ADAMTSL1: variants seen among roughly 807,000 people sequenced by gnomAD.
The protein encoded by ADAMTSL1 is ADAMTS like 1.
A neutral mutation model predicts 201.8 loss-of-function variants in ADAMTSL1; 126 were observed. The ratio of observed to expected loss-of-function variants is 0.62; its 90% CI spans 0.54 to 0.72. ADAMTSL1 has a LOEUF of 0.72. ADAMTSL1 is among the 30% of genes least tolerant of loss of function. The pLI, the probability that ADAMTSL1 is intolerant of heterozygous loss-of-function variation, is 0.00. For missense variants in ADAMTSL1, 2,679 were observed against 2,277.8 expected (o/e 1.18, Z -3.59); for synonymous variants, 1,121 against 903.4 (o/e 1.24, Z -4.32).
In ADAMTSL1 at chr9:18,886,164, GTGTATATATATATATATATATA is replaced by G. The variant is rs1418449902; in HGVS notation, c.4250-1665_4250-1644del. On this transcript the variant is annotated intron_variant, in intron 23 of 28. Transcript: ENST00000380548. Reference sequence around the variant, plus strand: ...TGTATATATACATGTGAGTGTGTATGTGTATATATATATATATATATATATATATATATATATATATATATAT... The same window carrying G: ...TGTATATATACATGTGAGTGTGTATGTATATATATATATATATATATATAT... Among the ~76,000 whole-genome samples, 344 of 62,238 alleles carry G rather than the reference GTGTATATATATATATATATATA, an allele frequency of 5.5e-3. 10 individuals are homozygous for G. The highest frequency in any genetic ancestry group is 0.034 in the Middle Eastern group (3 of 88). 40.8% of individuals were successfully genotyped at this position (62,238 alleles called of 152,430 possible).
intron 2 of ADAMTSL1, among the ~76,000 whole-genome samples, chr9:18,527,480 C>T (rs1475367644): frequency 6.6e-6 from 1 of 152,060 alleles, no homozygotes; most frequent in Non-Finnish European, 1.5e-5. Flanking sequence ...CAAATGCATG[C>T]CCCTTTTTAA....
intron 2 of ADAMTSL1, among the ~76,000 whole-genome samples, chr9:18,185,227 G>C (rs1189045018): frequency 1.3e-5 from 2 of 152,088 alleles, no homozygotes; most frequent in Non-Finnish European, 2.9e-5. Flanking sequence ...TTATTCCTCT[G>C]ATGATGTTGT....
chr9:18,622,708 G>A, intron 5 of ADAMTSL1: 1 of 421,910 alleles, frequency 2.4e-6, no homozygotes. Flanking sequence ...TGCTATGCCT[G>A]GTGGAAGATA....
intron 2 of ADAMTSL1, among the ~76,000 whole-genome samples, chr9:18,217,383 T>G (rs2132342263): frequency 6.6e-6 from 1 of 152,228 alleles, no homozygotes; most frequent in Non-Finnish European, 1.5e-5. Context: ...CAGGCAAATG[T>G]TTCTTGAGGT....
At chr9:18,530,369 A>G (rs1398275141) in intron 2 of ADAMTSL1, among the ~76,000 whole-genome samples, 1 of 152,212 alleles carries the variant, frequency 6.6e-6, no homozygotes, top group Non-Finnish European at 1.5e-5. Flanking sequence ...TGAAAAACAT[A>G]TACTATTAAA....
Position 18,777,187 on chromosome 9 carries a change from C to A in ADAMTSL1, c.2958C>A (p.Gly986=). 6.2e-7 allele frequency: 1 copy of A among 1,612,856 alleles called. No homozygotes were observed. The highest frequency in any genetic ancestry group is 2.2e-5 in the East Asian group (1 of 44,866). ...AAGAGGTGCTTGCGGGGAGGAAGGGCGGCCCGAAGGAGGCCCTGCAGACCC... is the reference window on the plus strand; with the variant it reads ...AAGAGGTGCTTGCGGGGAGGAAGGGAGGCCCGAAGGAGGCCCTGCAGACCC... ...SEEEVLAGRK[G]GPKEALQTHK... The change falls in exon 19 of 29, where the codon GGC becomes GGA. Residue 986 remains glycine, a synonymous_variant. Coordinates refer to ENST00000380548, the MANE Select transcript of ADAMTSL1 (RefSeq NM_001040272.6).
chr9:18,452,607 T>G (rs1820452438), intron 2 of ADAMTSL1, among the ~76,000 whole-genome samples: 1 of 152,216 alleles, frequency 6.6e-6, no homozygotes, highest in Admixed American at 6.5e-5. Flanking sequence ...TAAACTGAAG[T>G]TATCTAACTC....
At chr9:18,047,712 A>G (rs1021809476) in intron 1 of ADAMTSL1, among the ~76,000 whole-genome samples, 1 of 152,206 alleles carries the variant, frequency 6.6e-6, no homozygotes, top group Non-Finnish European at 1.5e-5. Flanking sequence ...GCATGCTGGT[A>G]TATAAACAGA....
chr9:18,087,944 G>A (rs992703495), intron 1 of ADAMTSL1, among the ~76,000 whole-genome samples: 2 of 151,940 alleles, frequency 1.3e-5, no homozygotes, highest in South Asian at 2.1e-4. Context: ...GATATCTTTG[G>A]GCCCTCTAAC....
intron 2 of ADAMTSL1, among the ~76,000 whole-genome samples, chr9:18,290,482 C>T (rs1833207829): frequency 2.0e-5 from 3 of 152,062 alleles, no homozygotes; most frequent in South Asian, 4.2e-4. Flanking sequence ...CCTTCCTGGC[C>T]CCACAAAGCT....
intron 14 of ADAMTSL1, among the ~76,000 whole-genome samples, chr9:18,720,627 A>T (rs894931352): frequency 2.6e-5 from 4 of 152,118 alleles, no homozygotes; most frequent in Non-Finnish European, 5.9e-5. Flanking sequence ...TACTAAGAAT[A>T]CAAAAATTAG....
chr9:17,942,873 A>T (rs948560413), intron 1 of ADAMTSL1, among the ~76,000 whole-genome samples: 2 of 152,280 alleles, frequency 1.3e-5, no homozygotes, highest in Non-Finnish European at 2.9e-5. Flanking sequence ...CCATCAGTAC[A>T]TTCCATCTGA....
At chr9:18,214,881 C>T (rs985349851) in intron 2 of ADAMTSL1, among the ~76,000 whole-genome samples, 1 of 152,044 alleles carries the variant, frequency 6.6e-6, no homozygotes, top group East Asian at 1.9e-4. Flanking sequence ...TGTATGTGAC[C>T]CTGAATACAC....
intron 1 of ADAMTSL1, among the ~76,000 whole-genome samples, chr9:18,480,345 C>G (rs528662563): frequency 5.9e-5 from 9 of 151,692 alleles, no homozygotes; most frequent in African/African-American, 2.2e-4. Context: ...GATCCCTCAG[C>G]CTATGTGATC....
chr9:18,224,183 G>T (rs1462066641), intron 2 of ADAMTSL1, among the ~76,000 whole-genome samples: 1 of 152,056 alleles, frequency 6.6e-6, no homozygotes, highest in Non-Finnish European at 1.5e-5. Context: ...TACCACAAAT[G>T]GAGTAATTTA....
At chr9:18,721,190 C>T (rs1036178077) in intron 14 of ADAMTSL1, among the ~76,000 whole-genome samples, 1 of 152,324 alleles carries the variant, frequency 6.6e-6, no homozygotes. Flanking sequence ...TTTTGCCACC[C>T]TGTGCTCCTT....
At chr9:18,644,423 C>T (rs1171954504) in intron 7 of ADAMTSL1, among the ~76,000 whole-genome samples, 22 of 151,334 alleles carry the variant, frequency 1.5e-4, no homozygotes, top group Admixed American at 1.4e-3. Flanking sequence ...TTTTAGGGTA[C>T]ATATGCACAA....
chr9:17,914,452 C>T (rs1826008278), intron 1 of ADAMTSL1, among the ~76,000 whole-genome samples: 1 of 152,128 alleles, frequency 6.6e-6, no homozygotes, highest in African/African-American at 2.4e-5. Context: ...GCAGAAAAGG[C>T]CTTTGACAAA....
At chr9:18,319,491 A>C (rs757034246) in intron 2 of ADAMTSL1, among the ~76,000 whole-genome samples, 16 of 152,148 alleles carry the variant, frequency 1.1e-4, no homozygotes, top group Non-Finnish European at 2.1e-4. Context: ...ATTTAAAGGT[A>C]AAGTTTTCTC....
Sources: gnomAD v4.1 joint callset for allele counts (sites outside exome capture counted in the v4.1 genomes callset) on GRCh38, gnomAD v4.1.1 for gene constraint, MANE v1.5 for transcripts, NCBI Gene and HGNC (gene_info 2026-07-23, HGNC 2026-07-21) for gene names.